Variants in ZBTB20 observed in about 807,000 individuals in gnomAD.
ZBTB20 encodes zinc finger and BTB domain containing 20.
In ZBTB20, 9 loss-of-function variants were observed where a neutral mutation model predicts 56.9. The ratio of observed to expected loss-of-function variants is 0.16; its 90% CI spans 0.10 to 0.28. The LOEUF (loss-of-function observed/expected upper bound fraction) is 0.28. ZBTB20 is among the 10% of genes least tolerant of loss of function. The pLI is 1.00. For synonymous variants in ZBTB20, 417 were observed against 420.7 expected (o/e 0.99, Z 0.11); for missense variants, 655 against 1,003.0 (o/e 0.65, Z 4.69).
intron 7 of ZBTB20, among the ~76,000 whole-genome samples, chr3:114,398,982 T>C (rs1444036208): frequency 1.3e-5 from 2 of 152,168 alleles, no homozygotes; most frequent in African/African-American, 4.8e-5. Context: ...TAAAGCTCTT[T>C]TATTGACACA....
intron 1 of ZBTB20, among the ~76,000 whole-genome samples, chr3:115,115,359 C>T (rs2083989727): frequency 6.6e-6 from 1 of 152,020 alleles, no homozygotes; most frequent in African/African-American, 2.4e-5. Flanking sequence ...CACTGTTTTA[C>T]TGTAGGGCAG....
chr3:114,683,650 C>A (rs979322978), intron 6 of ZBTB20, among the ~76,000 whole-genome samples: 4 of 152,058 alleles, frequency 2.6e-5, no homozygotes, highest in Admixed American at 6.6e-5. Flanking sequence ...TTTTCCAGCT[C>A]TATTCCTCCT....
At chr3:115,108,038 T>C (rs1308584579) in intron 1 of ZBTB20, among the ~76,000 whole-genome samples, 1 of 151,870 alleles carries the variant, frequency 6.6e-6, no homozygotes, top group Non-Finnish European at 1.5e-5. Context: ...CTAATGCATG[T>C]GGGGCTTAAA....
At chr3:114,609,918 A>T (rs9857869) in intron 6 of ZBTB20, among the ~76,000 whole-genome samples, 54,052 of 152,028 alleles carry the variant, frequency 0.36, 9,969 homozygotes, top group Middle Eastern at 0.49. Flanking sequence ...GCCACAAGAA[A>T]ATTAGCAGTC....
intron 1 of ZBTB20, among the ~76,000 whole-genome samples, chr3:115,135,299 A>C (rs1157659218): frequency 6.6e-6 from 1 of 152,206 alleles, no homozygotes; most frequent in African/African-American, 2.4e-5. Flanking sequence ...CTTTGTTTTC[A>C]AAGTCTTTAA....
chr3:114,570,564 A>G (rs1288781751), intron 6 of ZBTB20, among the ~76,000 whole-genome samples: 1 of 152,150 alleles, frequency 6.6e-6, no homozygotes, highest in African/African-American at 2.4e-5. Context: ...CAGTGTGCAG[A>G]GTTAGAATTT....
chr3:114,958,658 G>A (rs1312265270), intron 3 of ZBTB20, among the ~76,000 whole-genome samples: 1 of 151,990 alleles, frequency 6.6e-6, no homozygotes, highest in Non-Finnish European at 1.5e-5. Flanking sequence ...GACCAGCCTG[G>A]CCAACATGGT....
chr3:114,996,600 T>C (rs762986988), intron 2 of ZBTB20, among the ~76,000 whole-genome samples: 8 of 152,036 alleles, frequency 5.3e-5, no homozygotes, highest in Non-Finnish European at 1.2e-4. Context: ...CTTTATCCAG[T>C]CTATCATTGA....
At chr3:115,064,443 CTTTTTT>C (rs34098178) in intron 2 of ZBTB20, among the ~76,000 whole-genome samples, 2 of 78,042 alleles carry the variant, frequency 2.6e-5, no homozygotes, top group East Asian at 5.1e-4. Context: ...TCTCATAATT[CTTTTTT>C]TTTTTTTTTT....
intron 6 of ZBTB20, among the ~76,000 whole-genome samples, chr3:114,648,071 T>A (rs1207252751): frequency 2.6e-5 from 4 of 152,084 alleles, no homozygotes; most frequent in Admixed American, 2.6e-4. Context: ...ATGTATTTTG[T>A]GCTATGTTTT....
intron 1 of ZBTB20, among the ~76,000 whole-genome samples, chr3:115,119,858 A>G (rs1204265415): frequency 2.6e-5 from 4 of 152,164 alleles, no homozygotes; most frequent in Non-Finnish European, 5.9e-5. Context: ...TATGACACTT[A>G]GCTAATAAAA....
chr3:114,790,588 T>G (rs761001383), intron 5 of ZBTB20, among the ~76,000 whole-genome samples: 1 of 151,582 alleles, frequency 6.6e-6, no homozygotes, highest in Non-Finnish European at 1.5e-5. Flanking sequence ...GAAATCAGTA[T>G]ACTTTTTTTT....
intron 6 of ZBTB20, among the ~76,000 whole-genome samples, chr3:114,685,992 C>T (rs1185332164): frequency 2.0e-5 from 3 of 151,980 alleles, no homozygotes; most frequent in Non-Finnish European, 4.4e-5. Flanking sequence ...ATTCAAATCA[C>T]CCAATGTTCC....
intron 7 of ZBTB20, among the ~76,000 whole-genome samples, chr3:114,452,754 AAAAAAG>A (rs2091708313): frequency 6.6e-6 from 1 of 152,176 alleles, no homozygotes; most frequent in Admixed American, 6.6e-5. Flanking sequence ...TTAATAGAAA[AAAAAAG>A]AAAAGAGTTT....
chr3:114,553,568 A>G lies in ZBTB20; in HGVS notation c.-294-53177T>C, dbSNP rs145817835. Among the ~76,000 whole-genome samples, 13 of 152,312 alleles carry G rather than the reference A, an allele frequency of 8.5e-5. No homozygotes were observed. In the East Asian group the frequency reaches 2.5e-3, roughly 29 times the overall value. ...TTATTATTAGCCAGGTCCAGTTTAT[A>G]TTAGTTAAAATGAACATCATAAATT... On this transcript the variant is annotated intron_variant, in intron 6 of 11. Transcript: ENST00000675478.
At chr3:114,370,934 C>T (rs2082932031) in intron 10 of ZBTB20, among the ~76,000 whole-genome samples, 1 of 152,220 alleles carries the variant, frequency 6.6e-6, no homozygotes, top group African/African-American at 2.4e-5. Context: ...TGTCTACCCT[C>T]ATCCACAAAA....
rs541404772 is a variant in ZBTB20, at chr3:114,851,519, T to C, written c.-417+48785A>G. Among the ~76,000 whole-genome samples, 27 of 152,238 alleles carry C rather than the reference T, an allele frequency of 1.8e-4. No individual in the cohort carries two copies. In the South Asian group the frequency reaches 4.4e-3, roughly 25 times the overall value. On this transcript the variant is annotated intron_variant, in intron 4 of 11. Coordinates refer to ENST00000675478, the MANE Select transcript of ZBTB20 (RefSeq NM_001348800.3). ...CTCCATTTCTCTGGTTATTTCCCCA[T>C]TGTATTTCCAATTTTGTGCATTTGT...
At chr3:114,917,863 C>T (rs1265371315) in intron 3 of ZBTB20, among the ~76,000 whole-genome samples, 3 of 152,104 alleles carry the variant, frequency 2.0e-5, no homozygotes, top group Non-Finnish European at 2.9e-5. Context: ...GCAGAAGGCC[C>T]ACTATAACCA....
At chr3:115,140,567 G>A (rs537501788) in intron 1 of ZBTB20, among the ~76,000 whole-genome samples, 137 of 152,020 alleles carry the variant, frequency 9.0e-4, no homozygotes, top group Middle Eastern at 3.4e-3. Flanking sequence ...GGTGGTGGTA[G>A]GGGTCTTTGT....
Sources: gnomAD v4.1 joint callset for allele counts (sites outside exome capture counted in the v4.1 genomes callset) on GRCh38, gnomAD v4.1.1 for gene constraint, MANE v1.5 for transcripts, NCBI Gene and HGNC (gene_info 2026-07-23, HGNC 2026-07-21) for gene names.